Variants in ZEB1 observed in about 807,000 individuals in gnomAD.
ZEB1 encodes the protein zinc finger E-box-binding homeobox 1.
In ZEB1, 21 loss-of-function variants were observed where a neutral mutation model predicts 84.9. That is an observed-to-expected ratio of 0.25 (90% CI 0.18 to 0.36). The LOEUF (loss-of-function observed/expected upper bound fraction) is 0.36. Among genes scored for constraint, ZEB1 ranks in the 10% least tolerant of loss-of-function variants. The probability of loss-of-function intolerance (pLI) is 1.00; values close to 1 mark genes in which losing one functional copy is unlikely to be tolerated. For missense variants in ZEB1, 1,104 were observed against 1,330.2 expected (o/e 0.83, Z 2.65); for synonymous variants, 420 against 471.1 (o/e 0.89, Z 1.41).
intron 6 of ZEB1, among the ~76,000 whole-genome samples, chr10:31,517,857 A>G (rs1413532014): frequency 6.6e-6 from 1 of 152,096 alleles, no homozygotes; most frequent in Admixed American, 6.6e-5. Flanking sequence ...GGATAACCCT[A>G]TGGAGTAGGT....
intron 4 of ZEB1, among the ~76,000 whole-genome samples, chr10:31,508,093 A>G (rs768616719): frequency 1.3e-5 from 2 of 152,104 alleles, no homozygotes; most frequent in Non-Finnish European, 2.9e-5. Context: ...TCGTTGGCTT[A>G]GGTGCAATTG....
At chr10:31,432,350 A>G (rs1406364814) in intron 1 of ZEB1, among the ~76,000 whole-genome samples, 4 of 152,218 alleles carry the variant, frequency 2.6e-5, no homozygotes, top group African/African-American at 7.2e-5. Flanking sequence ...GCAGTTTGGG[A>G]GGCCAAGGCA....
chr10:31,336,511 G>A (rs888298585), intron 1 of ZEB1, among the ~76,000 whole-genome samples: 2 of 152,050 alleles, frequency 1.3e-5, no homozygotes, highest in African/African-American at 4.8e-5. Flanking sequence ...AGATAAAAAG[G>A]CATAAAACAC....
intron 7 of ZEB1, among the ~76,000 whole-genome samples, chr10:31,522,926 G>A (rs1158202984): frequency 6.6e-6 from 1 of 152,050 alleles, no homozygotes; most frequent in African/African-American, 2.4e-5. Context: ...AATTTTTAGT[G>A]TACAGAACAC....
chr10:31,465,670 G>C (rs539255504), intron 2 of ZEB1, among the ~76,000 whole-genome samples: 3 of 152,024 alleles, frequency 2.0e-5, no homozygotes, highest in Non-Finnish European at 4.4e-5. Flanking sequence ...GTAGAGTGCA[G>C]TGATGCAGTC....
chr10:31,513,618 A>G (rs1416523999), intron 5 of ZEB1, among the ~76,000 whole-genome samples: 1 of 152,186 alleles, frequency 6.6e-6, no homozygotes, highest in Non-Finnish European at 1.5e-5. Context: ...AAAGGAAGGG[A>G]GATTCCAGCT....
At chr10:31,444,293 A>G (rs1269382844) in intron 1 of ZEB1, among the ~76,000 whole-genome samples, 1 of 129,924 alleles carries the variant, frequency 7.7e-6, no homozygotes, top group Non-Finnish European at 1.6e-5. Flanking sequence ...GTTTGAGTTC[A>G]TTGTAGATTC....
intron 1 of ZEB1, among the ~76,000 whole-genome samples, chr10:31,390,546 C>A (rs2049443656): frequency 6.6e-6 from 1 of 152,146 alleles, no homozygotes; most frequent in Admixed American, 6.6e-5. Context: ...AAATGTAGAT[C>A]ATCTAACAGC....
At chr10:31,506,264 G>T (rs1480173921) in intron 4 of ZEB1, among the ~76,000 whole-genome samples, 1 of 152,008 alleles carries the variant, frequency 6.6e-6, no homozygotes, top group Admixed American at 6.6e-5. Flanking sequence ...AAAATGTTCT[G>T]TAAGTGTCTC....
intron 1 of ZEB1, among the ~76,000 whole-genome samples, chr10:31,456,718 TTGTC>T (rs1351503861): frequency 1.3e-5 from 2 of 152,112 alleles, no homozygotes; most frequent in African/African-American, 2.4e-5. Flanking sequence ...CTGTTTTTCT[TTGTC>T]TGTCAGAGGG....
At chr10:31,387,649 A>G (rs1488108885) in intron 1 of ZEB1, 1 of 645,782 alleles carries the variant, frequency 1.5e-6, no homozygotes, top group Non-Finnish European at 1.9e-6. Context: ...TAATAGCTTC[A>G]GTTGATAGAG....
chr10:31,514,453 A>G, intron 5 of ZEB1, 150 bp from the exon 6 acceptor site: 1 of 645,506 alleles, frequency 1.5e-6, no homozygotes, highest in Non-Finnish European at 2.7e-6. Flanking sequence ...TTCAAGAGTT[A>G]GATTTTTGTG....
chr10:31,510,199 T>A (rs942029004), intron 4 of ZEB1, among the ~76,000 whole-genome samples: 9 of 152,292 alleles, frequency 5.9e-5, no homozygotes, highest in East Asian at 3.9e-4. Flanking sequence ...GATGATGACT[T>A]GGTAGTTTCA....
At chr10:31,518,560 G>A (rs2071631010) in intron 6 of ZEB1, among the ~76,000 whole-genome samples, 1 of 152,056 alleles carries the variant, frequency 6.6e-6, no homozygotes, top group African/African-American at 2.4e-5. Flanking sequence ...TAAGAGTTTT[G>A]CTATATAATC....
In ZEB1 at chr10:31,386,694, G is replaced by A. The variant is rs1030345734; in HGVS notation, c.58+67402G>A. 3.7e-4 allele frequency among the ~76,000 whole-genome samples: 57 copies of A among 152,010 alleles called. 1 individual carries two copies. The highest frequency in any genetic ancestry group is 3.3e-3 in the Admixed American group (50 of 15,262). On this transcript the variant is annotated intron_variant, in intron 1 of 8. Coordinates refer to ENST00000424869, the MANE Select transcript of ZEB1 (RefSeq NM_001174096.2). Reference sequence around the variant, plus strand: ...TGTGGCATTTAACAGAATTCAAAGGGCTACTTTTCTGTTGTTAGGAAATAG... The same window carrying A: ...TGTGGCATTTAACAGAATTCAAAGGACTACTTTTCTGTTGTTAGGAAATAG...
intron 2 of ZEB1, among the ~76,000 whole-genome samples, chr10:31,479,154 A>G (rs1435337523): frequency 6.6e-6 from 1 of 151,926 alleles, no homozygotes; most frequent in Non-Finnish European, 1.5e-5. Context: ...AGAAATGGAT[A>G]AATGAATAGA....
chr10:31,468,827 A>C (rs1445733662), intron 2 of ZEB1, among the ~76,000 whole-genome samples: 1 of 152,230 alleles, frequency 6.6e-6, no homozygotes, highest in East Asian at 1.9e-4. Context: ...CAGCTTCTAC[A>C]CATGAGAAGG....
intron 1 of ZEB1, among the ~76,000 whole-genome samples, chr10:31,400,248 G>A (rs1469524850): frequency 2.0e-5 from 3 of 151,994 alleles, no homozygotes; most frequent in Admixed American, 1.3e-4. Context: ...TTTGGCCCAC[G>A]TTATACACTT....
At chr10:31,363,519 G>A (rs556328171) in intron 1 of ZEB1, 3 of 1,529,372 alleles carry the variant, frequency 2.0e-6, no homozygotes, top group Non-Finnish European at 2.6e-6. Context: ...TGCTACAGGG[G>A]CCCCTTTTAT....
Sources: gnomAD v4.1 joint callset for allele counts (sites outside exome capture counted in the v4.1 genomes callset) on GRCh38, gnomAD v4.1.1 for gene constraint, MANE v1.5 for transcripts, NCBI Gene and HGNC (gene_info 2026-07-23, HGNC 2026-07-21) for gene names.